Variants in ZNF85 observed in about 807,000 individuals in gnomAD.
ZNF85 encodes the protein zinc finger protein 85 (HPF4, HTF1).
Under a neutral mutation model 53.9 loss-of-function variants are expected in ZNF85, and 50 were observed. The ratio of observed to expected loss-of-function variants is 0.93; its 90% CI spans 0.74 to 1.17. The LOEUF (loss-of-function observed/expected upper bound fraction) is 1.17. ZNF85 is among the 50% of genes most tolerant of loss of function. The probability of loss-of-function intolerance (pLI) is 0.00; values close to 1 mark genes in which losing one functional copy is unlikely to be tolerated. For synonymous variants in ZNF85, 225 were observed against 226.1 expected, an observed-to-expected ratio of 1.00 and a Z score of 0.04; for missense variants, 747 against 688.5, an observed-to-expected ratio of 1.08 and a Z score of -0.95.
At chr19:20,934,279 T>A in intron 2 of ZNF85, 129 bp downstream of exon 2, 1 of 1,294,668 alleles carries the variant, frequency 7.7e-7, no homozygotes, top group South Asian at 1.5e-5. Flanking sequence ...CAAGAAAATC[T>A]TGGGGATTAA....
Position 20,949,960 on chromosome 19 carries a change from CA to C in ZNF85, c.1449del (p.Lys483AsnfsTer20), listed in dbSNP as rs777397025. On this transcript the variant is annotated frameshift_variant, in exon 4 of 4. Coordinates refer to ENST00000328178, the MANE Select transcript of ZNF85 (RefSeq NM_003429.5). LOFTEE classifies it high-confidence loss of function. ...KKSHTEEKPY[K>X]CEECGKGFKW... Reference sequence around the variant, plus strand: ...AAAGTCATACAGAAGAGAAACCTTACAAATGTGAAGAATGTGGCAAAGGTTT... The same window carrying C: ...AAAGTCATACAGAAGAGAAACCTTACAATGTGAAGAATGTGGCAAAGGTTT... 6 of 1,610,970 alleles carry C rather than the reference CA, an allele frequency of 3.7e-6. No individual in the cohort carries two copies. Among genetic ancestry groups the C allele is most frequent in the Admixed American group, 1.7e-5 (1 of 59,874 alleles).
intron 1 of ZNF85, among the ~76,000 whole-genome samples, chr19:20,930,281 T>C (rs1235717952): frequency 6.6e-6 from 1 of 152,134 alleles, no homozygotes; most frequent in African/African-American, 2.4e-5. Context: ...TGTATTAAAG[T>C]GAGTGCTTGC....
chr19:20,941,166 T>A (rs539137294), intron 3 of ZNF85, among the ~76,000 whole-genome samples: 36 of 152,332 alleles, frequency 2.4e-4, no homozygotes, highest in Middle Eastern at 3.4e-3. Flanking sequence ...TGGGTTTTTT[T>A]ATATTTTATA....
At chr19:20,923,485 C>G (rs1972805795) in intron 1 of ZNF85, 82 bp downstream of exon 1, 1 of 1,604,732 alleles carries the variant, frequency 6.2e-7, no homozygotes, top group African/African-American at 1.3e-5. Context: ...GGACTCAGGC[C>G]TCCCTGTAGT....
intron 3 of ZNF85, among the ~76,000 whole-genome samples, chr19:20,938,850 A>ATATGTG (rs1555793966): frequency 5.8e-4 from 82 of 141,088 alleles, no homozygotes; most frequent in East Asian, 1.7e-3. Context: ...ATTCTGCTAT[A>ATATGTG]TGTGTGTGTG....
In ZNF85 at chr19:20,950,534, A is replaced by G. The variant is rs73021543; in HGVS notation, c.*232A>G. 42,083 of 382,054 alleles carry G rather than the reference A, an allele frequency of 0.11. 2,685 individuals are homozygous for G. The highest frequency in any genetic ancestry group is 0.13 in the Non-Finnish European group (27,132 of 216,474). The allele number at this position is 382,054 out of a possible 1,614,324, so 23.7% of individuals were successfully genotyped here. A position where few individuals can be genotyped will look rare whatever the true frequency, so the allele number is the denominator to read the frequency against. ...TCATATTGGAACAAACTACAAGTGC[A>G]AACAATGTGGCAAAACTTAATTTAT... On this transcript the variant is annotated 3_prime_UTR_variant, in exon 4 of 4. Coordinates refer to ENST00000328178, the MANE Select transcript of ZNF85 (RefSeq NM_003429.5).
chr19:20,948,236 T>C (rs1973469472), intron 3 of ZNF85, among the ~76,000 whole-genome samples: 1 of 152,134 alleles, frequency 6.6e-6, no homozygotes, highest in African/African-American at 2.4e-5. Flanking sequence ...CCTATAATAT[T>C]GCAGTCTCTT....
At chr19:20,935,416 C>T (rs185940717) in intron 3 of ZNF85, among the ~76,000 whole-genome samples, 2 of 152,150 alleles carry the variant, frequency 1.3e-5, no homozygotes, top group Admixed American at 1.3e-4. Flanking sequence ...TGTATTTTTG[C>T]ATCATGTTTG....
Position 20,934,016 on chromosome 19 carries a change from T to A in ZNF85, c.4-8T>A. 1 of 1,606,666 alleles carries A rather than the reference T, an allele frequency of 6.2e-7. No homozygotes were observed. On this transcript the variant is annotated splice_region_variant and splice_polypyrimidine_tract_variant and intron_variant, in intron 1 of 3. Coordinates refer to ENST00000328178, the MANE Select transcript of ZNF85 (RefSeq NM_003429.5). ...GTGTGTGTATGTGTATGTGTGTGTA[T>A]CTTTCAGGGACCATTGACATTTAGG...
At position 20,950,334 on chromosome 19, in the gene ZNF85, GTCT is replaced by G. The variant is rs201368631; in HGVS notation, c.*34_*36del. 3.5e-3 allele frequency: 4,999 copies of G among 1,438,744 alleles called. 74 individuals carry two copies. The highest frequency in any genetic ancestry group is 0.029 in the South Asian group (1,886 of 64,460). 89.1% of individuals were successfully genotyped at this position (1,438,744 alleles called of 1,614,324 possible). On this transcript the variant is annotated 3_prime_UTR_variant, in exon 4 of 4. Coordinates refer to ENST00000328178, the MANE Select transcript of ZNF85 (RefSeq NM_003429.5). The stretch of plus-strand genomic sequence containing the variant: ...TGGCAAAGCTTTAATCAATTTACAA[GTCT>G]TACTAAACATAAGAAAATTTATACT...
In ZNF85 at chr19:20,949,610, G is replaced by T; in HGVS notation, c.1096G>T (p.Gly366Ter). The change falls in exon 4 of 4, where the codon GGA (glycine) becomes TGA (stop). Residue 366 changes from glycine (G) to a stop codon, truncating the protein, a stop_gained. Coordinates refer to ENST00000328178, the MANE Select transcript of ZNF85 (RefSeq NM_003429.5). LOFTEE classifies it high-confidence loss of function. Reference protein sequence around the residue: ...HLTTHEVIHTGEKPYKCEKCG... With the variant: ...HLTTHEVIHT ...TACCACACATGAGGTAATTCATACT[G>T]GAGAGAAACCCTACAAATGTGAAAA... 6.2e-7 allele frequency: 1 copy of T among 1,602,204 alleles called. No homozygotes were observed. Among genetic ancestry groups the T allele is most frequent in the Non-Finnish European group, 8.5e-7 (1 of 1,171,886 alleles).
rs1374434816 is a variant in ZNF85, at chr19:20,949,873, C to T, written c.1359C>T (p.Pro453=). 3 of 1,612,316 alleles carry T rather than the reference C, an allele frequency of 1.9e-6. No homozygotes were observed. Among genetic ancestry groups the T allele is most frequent in the Non-Finnish European group, 2.5e-6 (3 of 1,179,244 alleles). The part of the protein sequence containing the change: ...EHKKIHTGEK[P]YECEKCGKAF... ...AGAAAATTCATACTGGAGAGAAACC[C>T]TATGAATGTGAAAAATGTGGCAAAG... Residue 453 remains proline (P), a synonymous_variant, in exon 4 of 4, where the codon CCC becomes CCT. Transcript: ENST00000328178.
At chr19:20,925,224 C>T (rs1972851896) in intron 1 of ZNF85, among the ~76,000 whole-genome samples, 1 of 151,904 alleles carries the variant, frequency 6.6e-6, no homozygotes, top group Non-Finnish European at 1.5e-5. Flanking sequence ...TTTGTGAGGC[C>T]GAGGCGGGCG....
intron 3 of ZNF85, among the ~76,000 whole-genome samples, chr19:20,939,943 C>T (rs1284691878): frequency 1.3e-5 from 2 of 151,960 alleles, no homozygotes; most frequent in African/African-American, 4.8e-5. Context: ...GTGATCCGCC[C>T]ACCTCAGCCT....
intron 3 of ZNF85, chr19:20,943,057 T>G: frequency 4.5e-6 from 2 of 446,846 alleles, no homozygotes; most frequent in South Asian, 1.1e-4. Flanking sequence ...ATTATAGGTA[T>G]GAGCCTGTTC....
chr19:20,942,610 T>G (rs561398284), intron 3 of ZNF85, among the ~76,000 whole-genome samples: 1 of 152,328 alleles, frequency 6.6e-6, no homozygotes, highest in South Asian at 2.1e-4. Context: ...TTGACATCTT[T>G]GAAAAATTAA....
At chr19:20,935,077 A>G in intron 3 of ZNF85, 30 bp downstream of exon 3, 1 of 1,507,820 alleles carries the variant, frequency 6.6e-7, no homozygotes, top group Non-Finnish European at 9.2e-7. Context: ...AATACAGCAG[A>G]TGACACATGA....
chr19:20,947,488 CTTT>C lies in ZNF85; in HGVS notation c.230-1229_230-1227del, dbSNP rs768097517. Among the ~76,000 whole-genome samples, 6 of 51,634 alleles carry C rather than the reference CTTT, an allele frequency of 1.2e-4. No homozygotes were observed. In the Admixed American group the frequency reaches 1.4e-3, roughly 12 times the overall value. The allele number at this position is 51,634 out of a possible 152,430, so 33.9% of individuals were successfully genotyped here. ...GTAGGGCATATGCAGTGCCAATACACTTTTTTTTTTTTTTTTTTTTTTTTTTTT... is the reference window on the plus strand; with the variant it reads ...GTAGGGCATATGCAGTGCCAATACACTTTTTTTTTTTTTTTTTTTTTTTTT... On this transcript the variant is annotated intron_variant, in intron 3 of 3. Transcript: ENST00000328178.
intron 1 of ZNF85, among the ~76,000 whole-genome samples, chr19:20,923,703 G>A (rs1479128250): frequency 6.6e-6 from 1 of 152,172 alleles, no homozygotes; most frequent in Non-Finnish European, 1.5e-5. Context: ...CGGGAGGGTT[G>A]TCAGGGGAGA....
Sources: allele counts gnomAD v4.1 joint callset (sites outside exome capture counted in the v4.1 genomes callset), GRCh38; gene constraint gnomAD v4.1.1; transcripts MANE v1.5; gene names NCBI Gene and HGNC (gene_info 2026-07-23, HGNC 2026-07-21).